Variants in CPQ observed in about 807,000 individuals in gnomAD.
The protein encoded by CPQ is Ser-Met dipeptidase.
In CPQ, 37 loss-of-function variants were observed where a neutral mutation model predicts 45.7. The ratio of observed to expected loss-of-function variants is 0.81; its 90% CI spans 0.62 to 1.07. The LOEUF is 1.07. Ranked by LOEUF, CPQ falls within the 50% of genes least tolerant of loss-of-function variation. The pLI, the probability that CPQ is intolerant of heterozygous loss-of-function variation, is 0.00. For synonymous variants in CPQ, 186 were observed against 205.8 expected (o/e 0.90, Z 0.82); for missense variants, 537 against 572.9 (o/e 0.94, Z 0.64).
chr8:97,141,127 G>A (rs929124415), intron 7 of CPQ, among the ~76,000 whole-genome samples: 1 of 151,926 alleles, frequency 6.6e-6, no homozygotes, highest in Non-Finnish European at 1.5e-5. Flanking sequence ...TGTAATATTA[G>A]GGTAAGGAAG....
chr8:97,107,084 T>C (rs1414553261), intron 7 of CPQ, among the ~76,000 whole-genome samples: 1 of 152,052 alleles, frequency 6.6e-6, no homozygotes, highest in Non-Finnish European at 1.5e-5. Flanking sequence ...TAGCAGAAAT[T>C]TGCTACAAAG....
chr8:96,954,249 A>C (rs1813315475), intron 4 of CPQ, among the ~76,000 whole-genome samples: 1 of 151,966 alleles, frequency 6.6e-6, no homozygotes, highest in African/African-American at 2.4e-5. Context: ...AAAAAAGTCC[A>C]CTTTTCTTTC....
chr8:97,004,191 T>A (rs1809336486), intron 5 of CPQ, among the ~76,000 whole-genome samples: 1 of 149,792 alleles, frequency 6.7e-6, no homozygotes, highest in Admixed American at 6.6e-5. Context: ...CCTTAATACA[T>A]AAAATATTCA....
intron 6 of CPQ, among the ~76,000 whole-genome samples, chr8:97,051,665 G>A (rs535858868): frequency 1.6e-4 from 25 of 152,264 alleles, no homozygotes; most frequent in Non-Finnish European, 2.8e-4. Context: ...AAGGGACCCC[G>A]ATTAGGACTT....
chr8:96,711,753 A>G (rs989220914), intron 1 of CPQ, among the ~76,000 whole-genome samples: 17 of 152,104 alleles, frequency 1.1e-4, no homozygotes, highest in Admixed American at 1.0e-3. Flanking sequence ...TATGGGAACT[A>G]TAACTCGGGA....
At position 97,023,715 on chromosome 8, in the gene CPQ, C is replaced by T. The variant is rs886979154; in HGVS notation, c.962-5688C>T. 3.9e-5 allele frequency among the ~76,000 whole-genome samples: 6 copies of T among 152,172 alleles called. 1 individual carries two copies. The highest frequency in any genetic ancestry group is 3.9e-4 in the Admixed American group (6 of 15,274). On this transcript the variant is annotated intron_variant, in intron 5 of 7. Transcript: ENST00000220763. ...CAAACACAGGTTATACATATTATCA[C>T]ATCTCTTTAATCTTCTTTACAGTTA...
At chr8:96,977,460 A>G (rs907165039) in intron 5 of CPQ, among the ~76,000 whole-genome samples, 8 of 152,184 alleles carry the variant, frequency 5.3e-5, no homozygotes, top group Non-Finnish European at 8.8e-5. Flanking sequence ...AAGCAGATCT[A>G]CATTTAATCC....
At chr8:96,991,577 A>G (rs1809093721) in intron 5 of CPQ, among the ~76,000 whole-genome samples, 1 of 146,968 alleles carries the variant, frequency 6.8e-6, no homozygotes, top group Non-Finnish European at 1.5e-5. Context: ...TAATAATAAT[A>G]ATAATAATAA....
rs1161576263 is a variant in CPQ, at chr8:96,704,110, C to G, written c.-35+58708C>G. ...TATAGCAGTAAGACAAAGCCCCTAC[C>G]CTTTGAAACTTATATTCCTTCAGGA... On this transcript the variant is annotated intron_variant, in intron 1 of 7. Transcript: ENST00000220763. Among the ~76,000 whole-genome samples the G allele has an allele frequency of 2.0e-5, 3 of 152,212 alleles. No homozygotes were observed. The East Asian group carries it at 5.8e-4, about 29-fold the overall frequency.
At chr8:96,957,975 T>C (rs1813383736) in intron 4 of CPQ, among the ~76,000 whole-genome samples, 1 of 150,698 alleles carries the variant, frequency 6.6e-6, no homozygotes, top group Non-Finnish European at 1.5e-5. Context: ...CTCCAGTAGC[T>C]GGGACTATAG....
At chr8:97,057,006 T>C (rs1191143002) in intron 6 of CPQ, among the ~76,000 whole-genome samples, 1 of 152,164 alleles carries the variant, frequency 6.6e-6, no homozygotes, top group Non-Finnish European at 1.5e-5. Flanking sequence ...TCCCCTCCTT[T>C]AGGAAAGCAA....
chr8:96,978,274 T>G (rs1813823480), intron 5 of CPQ, among the ~76,000 whole-genome samples: 1 of 152,180 alleles, frequency 6.6e-6, no homozygotes, highest in African/African-American at 2.4e-5. Flanking sequence ...TCTCATCAGT[T>G]TACATAGACA....
At chr8:96,868,072 C>T (rs1812018279) in intron 3 of CPQ, among the ~76,000 whole-genome samples, 1 of 152,022 alleles carries the variant, frequency 6.6e-6, no homozygotes. Flanking sequence ...TGAGAGAGAC[C>T]TTTCAGAGTG....
chr8:97,139,949 A>G (rs1380644519), intron 7 of CPQ, among the ~76,000 whole-genome samples: 2 of 151,942 alleles, frequency 1.3e-5, no homozygotes, highest in Non-Finnish European at 2.9e-5. Context: ...CCAAAAAATG[A>G]AAGTCATCAT....
At chr8:97,016,005 T>TTTTG (rs1248103458) in intron 5 of CPQ, among the ~76,000 whole-genome samples, 1 of 152,226 alleles carries the variant, frequency 6.6e-6, no homozygotes, top group East Asian at 1.9e-4. Flanking sequence ...GTTTCTAATT[T>TTTTG]TTTGTTTCTC....
chr8:96,885,071 G>T (rs1428082180), intron 4 of CPQ, among the ~76,000 whole-genome samples: 1 of 152,052 alleles, frequency 6.6e-6, no homozygotes, highest in African/African-American at 2.4e-5. Flanking sequence ...TCATAGAATG[G>T]GTAATTTATA....
intron 4 of CPQ, among the ~76,000 whole-genome samples, chr8:96,888,514 C>G (rs1380260699): frequency 6.6e-6 from 1 of 152,130 alleles, no homozygotes; most frequent in Non-Finnish European, 1.5e-5. Flanking sequence ...GTCATGGAAG[C>G]CCTTTCTAAA....
At chr8:97,142,044 T>C (rs1812174421) in intron 7 of CPQ, among the ~76,000 whole-genome samples, 1 of 152,222 alleles carries the variant, frequency 6.6e-6, no homozygotes, top group Non-Finnish European at 1.5e-5. Context: ...GGAAAAGATC[T>C]GCAGTGGGCA....
At chr8:97,082,101 G>A (rs1169699753) in intron 7 of CPQ, among the ~76,000 whole-genome samples, 1 of 152,154 alleles carries the variant, frequency 6.6e-6, no homozygotes, top group Non-Finnish European at 1.5e-5. Flanking sequence ...CAAAAATGGG[G>A]AAATTAAGCA....
Sources: allele counts gnomAD v4.1 joint callset (sites outside exome capture counted in the v4.1 genomes callset), GRCh38; gene constraint gnomAD v4.1.1; transcripts MANE v1.5; gene names NCBI Gene and HGNC (gene_info 2026-07-23, HGNC 2026-07-21).